GRK4: variants seen among roughly 807,000 people sequenced by gnomAD.
The protein encoded by GRK4 is G protein-coupled receptor kinase 4, also known as G protein-coupled receptor kinase 2-like.
In GRK4, 73 loss-of-function variants were observed where a neutral mutation model predicts 77.9. That is an observed-to-expected ratio of 0.94 (90% CI 0.78 to 1.14). GRK4 has a LOEUF of 1.14. GRK4 is among the 50% of genes most tolerant of loss of function. The pLI is 0.00. For synonymous variants in GRK4, 257 were observed against 254.4 expected, an observed-to-expected ratio of 1.01 and a Z score of -0.10; for missense variants, 729 against 700.2, an observed-to-expected ratio of 1.04 and a Z score of -0.46.
intron 11 of GRK4, 27 bp downstream of exon 11, chr4:3,028,028 G>A (rs1174151105): frequency 3.1e-6 from 5 of 1,603,448 alleles, no homozygotes; most frequent in Non-Finnish European, 4.3e-6. Flanking sequence ...CGGCGTCCTT[G>A]TCCTTTCTAT....
intron 4 of GRK4, among the ~76,000 whole-genome samples, chr4:3,003,971 G>A (rs1236215717): frequency 3.3e-5 from 5 of 151,662 alleles, no homozygotes; most frequent in African/African-American, 7.3e-5. Flanking sequence ...CACCCACCTC[G>A]GCCTCCCAAA....
rs1412417112 is a variant in GRK4 at position 2,991,463 on chromosome 4, C to T, written c.262-752C>T. Among the ~76,000 whole-genome samples, 3 of 152,182 alleles carry T rather than the reference C, an allele frequency of 2.0e-5. No homozygotes were observed. The South Asian group carries it at 6.2e-4, about 31-fold the overall frequency. On this transcript the variant is annotated intron_variant, in intron 3 of 15. Transcript: ENST00000398052. ...CATTGCAGGATCAGACTTGCTTTCT[C>T]TTCCATTAATTGCATGCCACACAGT...
chr4:2,973,579 C>T (rs1218187795), intron 1 of GRK4, among the ~76,000 whole-genome samples: 1 of 152,184 alleles, frequency 6.6e-6, no homozygotes, highest in Non-Finnish European at 1.5e-5. Context: ...TGTAGCTGCA[C>T]TTGACTTACT....
chr4:3,024,558 G>A (rs1311800399), intron 10 of GRK4, among the ~76,000 whole-genome samples: 2 of 152,004 alleles, frequency 1.3e-5, no homozygotes, highest in East Asian at 3.9e-4. Flanking sequence ...CACCATATCT[G>A]GCTAATTTTA....
intron 12 of GRK4, among the ~76,000 whole-genome samples, chr4:3,030,180 C>T (rs1738746528): frequency 6.6e-6 from 1 of 152,158 alleles, no homozygotes; most frequent in Admixed American, 6.5e-5. Context: ...TGGTGCTGGA[C>T]AGACCATTCC....
At chr4:2,992,108 G>T in intron 3 of GRK4, 107 bp from the exon 4 acceptor site, 1 of 674,154 alleles carries the variant, frequency 1.5e-6, no homozygotes, top group Non-Finnish European at 2.6e-6. Flanking sequence ...GAACTCTTGA[G>T]CTCAAGTGAT....
chr4:2,999,124 A>G (rs1328714712), intron 4 of GRK4, among the ~76,000 whole-genome samples: 2 of 152,212 alleles, frequency 1.3e-5, no homozygotes, highest in Admixed American at 6.5e-5. Flanking sequence ...GGTAATTTAT[A>G]AAGAACAGAG....
In GRK4 at chr4:3,040,563, G is replaced by A. The variant is rs774399596; in HGVS notation, c.1684-9G>A. ...GCCGTGTGCCTGAGGCCGCCGCTGT[G>A]TGTTGTAGGGCTGCCTGACCATGGT... On this transcript the variant is annotated splice_polypyrimidine_tract_variant and intron_variant, in intron 15 of 15. Transcript: ENST00000398052. The A allele has an allele frequency of 1.9e-6, 3 of 1,607,686 alleles. No individual in the cohort carries two copies. The South Asian group carries it at 3.4e-5, about 18-fold the overall frequency.
intron 10 of GRK4, among the ~76,000 whole-genome samples, chr4:3,022,996 A>G (rs1891710): frequency 0.37 from 55,728 of 152,004 alleles, 10,515 homozygotes; most frequent in Non-Finnish European, 0.38. Context: ...ACCTAGAAGC[A>G]CATTAAAGTA....
chr4:3,034,713 C>T (rs759509016), intron 12 of GRK4, among the ~76,000 whole-genome samples: 4 of 152,096 alleles, frequency 2.6e-5, no homozygotes, highest in Admixed American at 2.0e-4. Context: ...ATTTTGAGAA[C>T]GAGGTTTGCT....
At chr4:3,033,349 C>G (rs1739688255) in intron 12 of GRK4, among the ~76,000 whole-genome samples, 1 of 152,220 alleles carries the variant, frequency 6.6e-6, no homozygotes, top group Non-Finnish European at 1.5e-5. Flanking sequence ...TTCACGAGGG[C>G]AGAGCCTTCA....
intron 13 of GRK4, 67 bp downstream of exon 13, chr4:3,035,590 T>C (rs1314694023): frequency 6.6e-7 from 1 of 1,510,438 alleles, no homozygotes; most frequent in African/African-American, 1.4e-5. Context: ...TTTTTCTCTT[T>C]CTTTTTTCAA....
chr4:2,984,518 T>G lies in GRK4; in HGVS notation c.58T>G (p.Tyr20Asp), dbSNP rs1430335783. 2 of 1,607,894 alleles carry G rather than the reference T, an allele frequency of 1.2e-6. No homozygotes were observed. The highest frequency in any genetic ancestry group is 1.7e-6 in the Non-Finnish European group (2 of 1,175,126). ...SLLLKARQGG[Y>D]GKKSGRSKKW... ...CTTTTTTCTCCCAAATTCAGGAGGA[T>G]ATGGCAAAAAAAGTGGTCGTAGTAA... Residue 20 changes from tyrosine to aspartate, a missense_variant, in exon 2 of 16, where the codon TAT becomes GAT. Tyr to Asp is a radical substitution (Grantham distance 160). Transcript: ENST00000398052.
intron 4 of GRK4, among the ~76,000 whole-genome samples, chr4:2,999,419 T>C (rs776311317): frequency 2.0e-5 from 3 of 152,158 alleles, no homozygotes; most frequent in African/African-American, 7.2e-5. Context: ...CACTGTTGCA[T>C]TGGGAATTAA....
rs1716545761 is a variant in GRK4, at chr4:2,964,026, TCTC to T, written c.-41_-39del. The T allele has an allele frequency of 6.3e-7, 1 of 1,575,596 alleles. No individual in the cohort carries two copies. Among genetic ancestry groups the T allele is most frequent in the Non-Finnish European group, 8.7e-7 (1 of 1,155,402 alleles). ...GTCTCCTCCTGTTCCGCCTCCTCAG[TCTC>T]CTCGGTCTCGCAGAATCCGCCGGCG... On this transcript the variant is annotated 5_prime_UTR_variant, in exon 1 of 16. Transcript: ENST00000398052.
chr4:3,002,633 G>A (rs888386679), intron 4 of GRK4, among the ~76,000 whole-genome samples: 2 of 152,176 alleles, frequency 1.3e-5, no homozygotes, highest in South Asian at 2.1e-4. Flanking sequence ...GAACCTGGGC[G>A]GCGGGACTTG....
intron 8 of GRK4, among the ~76,000 whole-genome samples, chr4:3,016,173 G>C (rs1264404415): frequency 1.3e-5 from 2 of 149,648 alleles, no homozygotes; most frequent in Middle Eastern, 3.2e-3. Flanking sequence ...CTCCCAGAAT[G>C]CTGGGGATTA....
chr4:3,035,411 G>T lies in GRK4; in HGVS notation c.1295G>T (p.Arg432Leu), dbSNP rs745787782. ...TTACTCACCAAGAATCCAAGCAAGC[G>T]GCTGGGCTGCAGGGGCGAGGGAGCG... ...RMLLTKNPSK[R>L]LGCRGEGAAG... Residue 432 changes from arginine (R) to leucine (L), a missense_variant, in exon 13 of 16, where the codon CGG (arginine) becomes CTG (leucine). Arg to Leu is a moderately radical substitution (Grantham distance 102). Coordinates refer to ENST00000398052, the MANE Select transcript of GRK4 (RefSeq NM_182982.3). 1 of 1,613,916 alleles carries T rather than the reference G, an allele frequency of 6.2e-7. No homozygotes were observed. The highest frequency in any genetic ancestry group is 2.2e-5 in the East Asian group (1 of 44,874).
At chr4:3,027,837 T>G in intron 10 of GRK4, 75 bp from the exon 11 acceptor site, 1 of 1,266,826 alleles carries the variant, frequency 7.9e-7, no homozygotes, top group Non-Finnish European at 1.1e-6. Context: ...GAGGGGCCTT[T>G]TTTCCCATTT....
Sources: gnomAD v4.1 joint callset for allele counts (sites outside exome capture counted in the v4.1 genomes callset) on GRCh38, gnomAD v4.1.1 for gene constraint, MANE v1.5 for transcripts, NCBI Gene and HGNC (gene_info 2026-07-23, HGNC 2026-07-21) for gene names.